The following CACNB2 variants were observed in gnomAD, a reference collection of about 807,000 sequenced individuals.
The protein encoded by CACNB2 is calcium voltage-gated channel auxiliary subunit beta 2.
In CACNB2, 42 loss-of-function variants were observed where a neutral mutation model predicts 73.3. The observed-to-expected ratio is 0.57, with a 90% CI of 0.45 to 0.74. The LOEUF (loss-of-function observed/expected upper bound fraction) is 0.74. Among genes scored for constraint, CACNB2 ranks in the 30% least tolerant of loss-of-function variants. The pLI is 0.00. For missense variants in CACNB2, 940 were observed against 853.0 expected, an observed-to-expected ratio of 1.10 and a Z score of -1.27; for synonymous variants, 348 against 310.3, an observed-to-expected ratio of 1.12 and a Z score of -1.28.
intron 10 of CACNB2, 50 bp from the exon 11 acceptor site, chr10:18,534,026 C>T (rs751779050): frequency 6.3e-7 from 1 of 1,597,634 alleles, no homozygotes; most frequent in African/African-American, 1.3e-5. Flanking sequence ...TACCATTTTA[C>T]TTTATCTTAA....
chr10:18,485,107 A>C (rs2132879423), intron 3 of CACNB2, among the ~76,000 whole-genome samples: 1 of 152,286 alleles, frequency 6.6e-6, no homozygotes, highest in Admixed American at 6.5e-5. Flanking sequence ...ACACCATTGC[A>C]CTCAGCCCTG....
At chr10:18,154,467 T>C (rs777743284) in intron 2 of CACNB2, among the ~76,000 whole-genome samples, 8 of 151,950 alleles carry the variant, frequency 5.3e-5, no homozygotes, top group Non-Finnish European at 1.2e-4. Flanking sequence ...CTTTTTTTTT[T>C]GTTTTTGTTT....
chr10:18,518,328 C>G lies in CACNB2; in HGVS notation c.805-8C>G, dbSNP rs2133159506. On this transcript the variant is annotated splice_polypyrimidine_tract_variant and splice_region_variant and intron_variant, in intron 7 of 13. Transcript: ENST00000324631. The stretch of plus-strand genomic sequence containing the variant: ...TGAAACGTCTAAAAGCCTCTCCTCT[C>G]TCTGCAGACAGAGCACACTCCTCCG... 3 of 1,604,214 alleles carry G rather than the reference C, an allele frequency of 1.9e-6. No individual in the cohort carries two copies. Among genetic ancestry groups the G allele is most frequent in the Non-Finnish European group, 2.6e-6 (3 of 1,170,938 alleles).
intron 2 of CACNB2, among the ~76,000 whole-genome samples, chr10:18,344,769 CAAAAT>C (rs2041378320): frequency 1.3e-5 from 2 of 152,000 alleles, no homozygotes; most frequent in Non-Finnish European, 2.9e-5. Context: ...AACTCCGTCT[CAAAAT>C]AAAATAATAA....
At chr10:18,520,849 TATGCACACATACAC>T (rs1484635089) in intron 9 of CACNB2, among the ~76,000 whole-genome samples, 1 of 152,242 alleles carries the variant, frequency 6.6e-6, no homozygotes, top group Non-Finnish European at 1.5e-5. Context: ...TGTGTACATG[TATGCACACATACAC>T]ATGCACACAT....
intron 2 of CACNB2, among the ~76,000 whole-genome samples, chr10:18,375,033 C>T (rs2042737854): frequency 1.3e-5 from 2 of 152,128 alleles, no homozygotes; most frequent in South Asian, 4.1e-4. Context: ...CACACGGCAA[C>T]ATGGCAAGAC....
intron 9 of CACNB2, chr10:18,519,639 C>T (rs1384546763): frequency 1.1e-5 from 5 of 448,292 alleles, no homozygotes; most frequent in South Asian, 3.2e-5. Flanking sequence ...AACTCCATCA[C>T]CATGTAAAAA....
intron 2 of CACNB2, among the ~76,000 whole-genome samples, chr10:18,344,919 T>C (rs1271258817): frequency 6.6e-6 from 1 of 152,252 alleles, no homozygotes; most frequent in African/African-American, 2.4e-5. Flanking sequence ...CATATTTTTA[T>C]AGTTGTAACT....
chr10:18,251,618 T>C (rs1241624052), intron 2 of CACNB2, among the ~76,000 whole-genome samples: 1 of 152,192 alleles, frequency 6.6e-6, no homozygotes, highest in African/African-American at 2.4e-5. Context: ...TCTAAAGAAC[T>C]ACCTGAGACT....
intron 2 of CACNB2, among the ~76,000 whole-genome samples, chr10:18,335,777 G>C (rs1589071843): frequency 7.8e-6 from 1 of 128,682 alleles, no homozygotes; most frequent in East Asian, 2.3e-4. Flanking sequence ...TTGTTTGACA[G>C]CAAGAAAACA....
At chr10:18,207,251 C>T (rs576685446) in intron 2 of CACNB2, among the ~76,000 whole-genome samples, 14 of 152,120 alleles carry the variant, frequency 9.2e-5, no homozygotes, top group Non-Finnish European at 1.3e-4. Context: ...TCAGGTGATC[C>T]GCCTACCTCT....
At position 18,435,923 on chromosome 10, in the gene CACNB2, C is replaced by T. The variant is rs76801293; in HGVS notation, c.333+33880C>T. On this transcript the variant is annotated intron_variant, in intron 3 of 13. Transcript: ENST00000324631. ...TACACAGAGCTCAACCAATTCTGAT[C>T]CTCTTTGGAGGGCCCAGAGCATCTG... Among the ~76,000 whole-genome samples the T allele has an allele frequency of 6.6e-3, 999 of 150,684 alleles. 11 individuals carry two copies. The highest frequency in any genetic ancestry group is 0.023 in the African/African-American group (944 of 41,086).
intron 6 of CACNB2, among the ~76,000 whole-genome samples, chr10:18,513,811 T>A (rs2051011622): frequency 6.6e-6 from 1 of 152,280 alleles, no homozygotes; most frequent in South Asian, 2.1e-4. Context: ...AAAACCGCAA[T>A]TACTTTTGCA....
At chr10:18,516,801 TTA>T (rs1254100924) in intron 7 of CACNB2, among the ~76,000 whole-genome samples, 2 of 152,134 alleles carry the variant, frequency 1.3e-5, no homozygotes, top group East Asian at 3.8e-4. Context: ...TGTCACTGTA[TTA>T]TGTTTGTCTT....
chr10:18,260,669 G>A (rs1404598399), intron 2 of CACNB2: 12 of 988,876 alleles, frequency 1.2e-5, no homozygotes, highest in Non-Finnish European at 1.4e-5. Context: ...AATCAGATAT[G>A]CCCAAAACGT....
Position 18,401,819 on chromosome 10 carries a change from G to T in CACNB2, c.214-105G>T, listed in dbSNP as rs1218144261. The T allele has an allele frequency of 5.3e-6, 6 of 1,134,584 alleles. No homozygotes were observed. The East Asian group carries it at 1.4e-4, about 27-fold the overall frequency. The allele number at this position is 1,134,584 out of a possible 1,614,324, so 70.3% of individuals were successfully genotyped here. Reference sequence around the variant, plus strand: ...ATGAATTATTTTCTCCTCTTTTCAGGAAAGTATAGAACAATCCGGGAAGCT... The same window carrying T: ...ATGAATTATTTTCTCCTCTTTTCAGTAAAGTATAGAACAATCCGGGAAGCT... On this transcript the variant is annotated intron_variant, in intron 2 of 13. Transcript: ENST00000324631.
chr10:18,295,337 TA>T (rs1398667229), intron 2 of CACNB2, among the ~76,000 whole-genome samples: 1 of 152,166 alleles, frequency 6.6e-6, no homozygotes, highest in African/African-American at 2.4e-5. Context: ...GACAACTGCA[TA>T]GACCCCTAAT....
chr10:18,442,942 GTGTATATATATATATGTATATATATA>G (rs2046501691), intron 3 of CACNB2, among the ~76,000 whole-genome samples: 10 of 33,904 alleles, frequency 2.9e-4, no homozygotes, highest in East Asian at 1.4e-3. Flanking sequence ...ATATATATAT[GTGTATATATATATATGTATATATATA>G]TGTGTATATA....
At chr10:18,482,908 C>T (rs1211287776) in intron 3 of CACNB2, among the ~76,000 whole-genome samples, 1 of 152,142 alleles carries the variant, frequency 6.6e-6, no homozygotes, top group African/African-American at 2.4e-5. Context: ...TAACAATGCA[C>T]CCCAGTCATA....
Sources: gnomAD v4.1 joint callset for allele counts (sites outside exome capture counted in the v4.1 genomes callset) on GRCh38, gnomAD v4.1.1 for gene constraint, MANE v1.5 for transcripts, NCBI Gene and HGNC (gene_info 2026-07-23, HGNC 2026-07-21) for gene names.